The following DMD variants were observed in gnomAD, a reference collection of about 807,000 sequenced individuals.
DMD encodes the protein dystrophin.
DMD carries 63 observed loss-of-function variants against 330.1 expected under a neutral mutation model. That is an observed-to-expected ratio of 0.19 (90% CI 0.16 to 0.24). The LOEUF (loss-of-function observed/expected upper bound fraction) is 0.24. Ranked by LOEUF, DMD falls within the 10% of genes least tolerant of loss-of-function variation. The pLI is 1.00. For missense variants in DMD, 3,344 were observed against 2,684.1 expected, an observed-to-expected ratio of 1.25 and a Z score of -5.43; for synonymous variants, 1,223 against 959.8, an observed-to-expected ratio of 1.27 and a Z score of -5.07.
chrX:31,774,827 A>C (rs184467583), intron 50 of DMD, among the ~76,000 whole-genome samples: 2 of 112,134 alleles, frequency 1.8e-5, no homozygotes, highest in East Asian at 5.6e-4. Flanking sequence ...TATTTTCTTA[A>C]AAATGCGAGT....
At chrX:32,058,682 A>G (rs1310750158) in intron 44 of DMD, among the ~76,000 whole-genome samples, 3 of 110,759 alleles carry the variant, frequency 2.7e-5, no homozygotes, top group African/African-American at 9.8e-5. Flanking sequence ...GTGGAAAACA[A>G]TATGGAGTTT....
intron 1 of DMD, among the ~76,000 whole-genome samples, chrX:33,263,859 T>A (rs1408132017): frequency 1.8e-5 from 2 of 111,128 alleles, no homozygotes; most frequent in Middle Eastern, 4.7e-3. Flanking sequence ...GGAAACTGAC[T>A]CATAAAGTAC....
intron 44 of DMD, among the ~76,000 whole-genome samples, chrX:31,975,698 T>A (rs2095431295): frequency 8.9e-6 from 1 of 112,107 alleles, no homozygotes; most frequent in South Asian, 3.6e-4. Flanking sequence ...GACGTGATAT[T>A]CGAAAGGAAG....
chrX:32,029,995 T>C (rs764888325), intron 44 of DMD, among the ~76,000 whole-genome samples: 1 of 111,789 alleles, frequency 8.9e-6, no homozygotes, highest in South Asian at 3.7e-4. Flanking sequence ...AAGAAATCAC[T>C]CGACGATAAA....
At chrX:32,161,206 G>A (rs1176069559) in intron 44 of DMD, among the ~76,000 whole-genome samples, 2 of 111,965 alleles carry the variant, frequency 1.8e-5, no homozygotes, top group Non-Finnish European at 3.8e-5. Flanking sequence ...AACCAATGTA[G>A]CTAAAGATAA....
intron 1 of DMD, among the ~76,000 whole-genome samples, chrX:33,205,785 T>G (rs1012347486): frequency 1.8e-5 from 2 of 112,174 alleles, no homozygotes; most frequent in African/African-American, 6.5e-5. Flanking sequence ...TGACCTTTTT[T>G]AAAAATCAAA....
rs142631176 is a variant in DMD at position 31,175,332 on chromosome X, A to G, written c.10263-1728T>C. On this transcript the variant is annotated intron_variant, in intron 71 of 78. Transcript: ENST00000357033. ...CATAAGTACACCAAGAAAAGTAGGC[A>G]TATAAATCCAAAATACTTTAATACC... 1.0e-2 allele frequency among the ~76,000 whole-genome samples: 1,108 copies of G among 111,281 alleles called. 36 individuals carry two copies. Among genetic ancestry groups the G allele is most frequent in the Admixed American group, 0.092 (965 of 10,446 alleles).
chrX:31,655,379 A>T (rs1401953001), intron 54 of DMD, among the ~76,000 whole-genome samples: 2 of 110,631 alleles, frequency 1.8e-5, no homozygotes, highest in African/African-American at 6.6e-5. Context: ...CCTCACGATG[A>T]ATTGTGCCTT....
intron 63 of DMD, among the ~76,000 whole-genome samples, chrX:31,255,769 C>CT (rs146884145): frequency 0.044 from 2,234 of 50,753 alleles, 99 homozygotes; most frequent in Non-Finnish European, 0.063. Context: ...AATATCGTTA[C>CT]TTTTTTTTTT....
intron 16 of DMD, among the ~76,000 whole-genome samples, chrX:32,564,301 A>C (rs1484620555): frequency 8.9e-6 from 1 of 111,974 alleles, no homozygotes; most frequent in Non-Finnish European, 1.9e-5. Context: ...TGCACGTCAA[A>C]ATAACTTTCT....
rs183366895 is a variant in DMD, at chrX:32,690,640, A to C, written c.960+7230T>G. The stretch of plus-strand genomic sequence containing the variant: ...AAAAATAAATTGTATTGTCATGAAG[A>C]CAGACATATAGACCAATAGAACAGA... On this transcript the variant is annotated intron_variant, in intron 9 of 78. Coordinates refer to ENST00000357033, the MANE Select transcript of DMD (RefSeq NM_004006.3). Among the ~76,000 whole-genome samples, 119 of 107,216 alleles carry C rather than the reference A, an allele frequency of 1.1e-3. 1 individual carries two copies. Among genetic ancestry groups the C allele is most frequent in the African/African-American group, 4.4e-3 (117 of 26,788 alleles). 93.1% of individuals were successfully genotyped at this position (107,216 alleles called of 115,157 possible). A position where few individuals can be genotyped will look rare whatever the true frequency, so the allele number is the denominator to read the frequency against.
At chrX:31,423,663 T>C (rs2063554303) in intron 60 of DMD, among the ~76,000 whole-genome samples, 1 of 111,621 alleles carries the variant, frequency 9.0e-6, no homozygotes, top group Admixed American at 9.6e-5. Flanking sequence ...ATACCAGTAA[T>C]GACGCAGATG....
chrX:33,082,103 T>C (rs961708984), intron 1 of DMD, among the ~76,000 whole-genome samples: 6 of 109,118 alleles, frequency 5.5e-5, no homozygotes, highest in African/African-American at 2.0e-4. Flanking sequence ...GAGAAAAAAA[T>C]GGAGAAAAAT....
chrX:33,167,436 T>C (rs1016808158), intron 1 of DMD, among the ~76,000 whole-genome samples: 2 of 111,385 alleles, frequency 1.8e-5, no homozygotes, highest in African/African-American at 6.5e-5. Context: ...TTTTTAACTT[T>C]ATAATTTGAA....
chrX:33,009,393 T>A lies in DMD; in HGVS notation c.93+10746A>T, dbSNP rs2093547919. 3.3e-5 allele frequency among the ~76,000 whole-genome samples: 3 copies of A among 90,880 alleles called. 1 individual carries two copies. The South Asian group carries it at 1.7e-3, about 50-fold the overall frequency. 78.9% of individuals were successfully genotyped at this position (90,880 alleles called of 115,157 possible). ...ATATGTGTATATACACGTGTATATA[T>A]GTGTGTATATGTGTATATACACATG... On this transcript the variant is annotated intron_variant, in intron 2 of 78. Transcript: ENST00000357033.
At chrX:32,895,191 G>A (rs968708856) in intron 2 of DMD, among the ~76,000 whole-genome samples, 3 of 112,181 alleles carry the variant, frequency 2.7e-5, no homozygotes, top group Non-Finnish European at 5.6e-5. Context: ...CCCATTGGGG[G>A]TTAGGGCTTC....
chrX:32,460,116 G>GA (rs11356184), intron 25 of DMD, among the ~76,000 whole-genome samples: 1 of 107,389 alleles, frequency 9.3e-6, no homozygotes, highest in Non-Finnish European at 1.9e-5. Context: ...ATTAATATAT[G>GA]AAAAAAAAAT....
chrX:33,016,587 C>G (rs2093807810), intron 2 of DMD, among the ~76,000 whole-genome samples: 1 of 111,408 alleles, frequency 9.0e-6, no homozygotes, highest in African/African-American at 3.3e-5. Flanking sequence ...TTAGACAAAA[C>G]TAATTATGCA....
At chrX:31,485,024 A>G (rs1482638673) in intron 57 of DMD, among the ~76,000 whole-genome samples, 2 of 112,006 alleles carry the variant, frequency 1.8e-5, no homozygotes, top group Admixed American at 1.9e-4. Flanking sequence ...TTGCAATTCT[A>G]AAGTGAAGCT....
Sources: allele counts gnomAD v4.1 joint callset (sites outside exome capture counted in the v4.1 genomes callset), GRCh38; gene constraint gnomAD v4.1.1; transcripts MANE v1.5; gene names NCBI Gene and HGNC (gene_info 2026-07-23, HGNC 2026-07-21).